Variants in STON2 observed in about 807,000 individuals in gnomAD.
The protein encoded by STON2 is stonin 2.
Under a neutral mutation model 65.7 loss-of-function variants are expected in STON2, and 29 were observed. The observed-to-expected ratio is 0.44, with a 90% CI of 0.33 to 0.60. The LOEUF (loss-of-function observed/expected upper bound fraction) is 0.60, where lower values mean the gene tolerates loss of function less well. STON2 is among the 20% of genes least tolerant of loss of function. STON2 has a pLI of 0.03. For missense variants in STON2, 1,054 were observed against 1,118.1 expected (o/e 0.94, Z 0.82); for synonymous variants, 404 against 414.2 (o/e 0.98, Z 0.30).
At chr14:81,269,237 C>T (rs1181321942) in intron 7 of STON2, 1 of 819,672 alleles carries the variant, frequency 1.2e-6, no homozygotes, top group African/African-American at 1.9e-5. Context: ...AATTCCTGAC[C>T]TCAAATGATC....
At chr14:81,290,364 G>C (rs992076568) in intron 5 of STON2, among the ~76,000 whole-genome samples, 2 of 152,192 alleles carry the variant, frequency 1.3e-5, no homozygotes, top group Admixed American at 6.5e-5. Flanking sequence ...TCAAGTTGGG[G>C]ATTCTGTAAC....
chr14:81,387,008 T>G (rs1050489718), intron 3 of STON2, among the ~76,000 whole-genome samples: 1 of 152,190 alleles, frequency 6.6e-6, no homozygotes, highest in African/African-American at 2.4e-5. Context: ...AAGCCTTATA[T>G]GTTAATCAAA....
intron 2 of STON2, chr14:81,412,987 CG>C: frequency 9.3e-7 from 1 of 1,070,776 alleles, no homozygotes; most frequent in Non-Finnish European, 1.4e-6. Context: ...ACCAAAAGGC[CG>C]TGATCAAAAA....
intron 4 of STON2, among the ~76,000 whole-genome samples, chr14:81,338,805 G>T (rs564117076): frequency 8.0e-4 from 122 of 152,312 alleles, no homozygotes; most frequent in African/African-American, 2.9e-3. Flanking sequence ...GACCAGAGGT[G>T]AAACATTCTG....
At chr14:81,308,433 AC>A (rs1265473412) in intron 5 of STON2, among the ~76,000 whole-genome samples, 18 of 152,200 alleles carry the variant, frequency 1.2e-4, no homozygotes, top group African/African-American at 4.3e-4. Flanking sequence ...TAAACTCCTG[AC>A]CTCAGGTGAT....
At position 81,280,967 on chromosome 14, in the gene STON2, C is replaced by T. The variant is rs144876567; in HGVS notation, c.743-2228G>A. Among the ~76,000 whole-genome samples, 118 of 148,924 alleles carry T rather than the reference C, an allele frequency of 7.9e-4. 1 individual carries two copies. Among genetic ancestry groups the T allele is most frequent in the African/African-American group, 2.7e-3 (110 of 40,206 alleles). ...CAGAGGTTGCAGTGAGCCGAGATGGCGCTACTGCACTCCAGTCTGAGCGAT... is the reference window on the plus strand; with the variant it reads ...CAGAGGTTGCAGTGAGCCGAGATGGTGCTACTGCACTCCAGTCTGAGCGAT... On this transcript the variant is annotated intron_variant, in intron 5 of 7. Transcript: ENST00000614646.
At chr14:81,337,392 G>A (rs1897414705) in intron 4 of STON2, among the ~76,000 whole-genome samples, 1 of 152,186 alleles carries the variant, frequency 6.6e-6, no homozygotes, top group South Asian at 2.1e-4. Context: ...AATGACAACA[G>A]AAAGTCCCTG....
At chr14:81,397,584 A>G (rs1409349324) in intron 2 of STON2, among the ~76,000 whole-genome samples, 1 of 152,202 alleles carries the variant, frequency 6.6e-6, no homozygotes, top group East Asian at 1.9e-4. Context: ...TAGGTGTTAT[A>G]AATGACGGTG....
intron 4 of STON2, among the ~76,000 whole-genome samples, chr14:81,341,493 T>C (rs1465481414): frequency 3.4e-5 from 5 of 145,456 alleles, no homozygotes; most frequent in Non-Finnish European, 7.5e-5. Context: ...CCCTGAATCC[T>C]ATTTCCGGGA....
In STON2 at chr14:81,277,181, T is replaced by G; in HGVS notation, c.2301A>C (p.Ser767=). The part of the protein sequence containing the change: ...EVEVQSWLRM[S]TGFSANRDPL... Reference sequence around the variant, plus strand: ...GGTCACGATTGGCGGAGAAGCCAGTTGACATCCTCAGCCAGCTCTGCACCT... The same window carrying G: ...GGTCACGATTGGCGGAGAAGCCAGTGGACATCCTCAGCCAGCTCTGCACCT... The change falls in exon 6 of 8, where the codon TCA becomes TCC. Residue 767 remains serine, a synonymous_variant. Transcript: ENST00000614646. The G allele has an allele frequency of 6.2e-7, 1 of 1,614,214 alleles. No individual in the cohort carries two copies.
At chr14:81,333,447 A>G in intron 4 of STON2, 1 of 303,682 alleles carries the variant, frequency 3.3e-6, no homozygotes, top group Non-Finnish European at 6.1e-6. Flanking sequence ...CAACAACCCT[A>G]TGAAATCGTT....
At chr14:81,280,854 T>C (rs955948318) in intron 5 of STON2, among the ~76,000 whole-genome samples, 1 of 151,580 alleles carries the variant, frequency 6.6e-6, no homozygotes, top group East Asian at 1.9e-4. Flanking sequence ...CTACTAAAAA[T>C]ACAAAAATTA....
At chr14:81,396,745 CA>C (rs202130271) in intron 2 of STON2, among the ~76,000 whole-genome samples, 1 of 128,358 alleles carries the variant, frequency 7.8e-6, no homozygotes, top group African/African-American at 3.1e-5. Flanking sequence ...AAACAGCCTT[CA>C]AAAATTTTTT....
chr14:81,348,343 T>C (rs2140309313), intron 4 of STON2, among the ~76,000 whole-genome samples: 1 of 152,256 alleles, frequency 6.6e-6, no homozygotes, highest in East Asian at 1.9e-4. Context: ...ACAGATGATA[T>C]GATCTTATAT....
chr14:81,365,164 T>C (rs918478485), intron 4 of STON2, among the ~76,000 whole-genome samples: 6 of 152,122 alleles, frequency 3.9e-5, no homozygotes, highest in Non-Finnish European at 8.8e-5. Flanking sequence ...TGGTTGCTGT[T>C]GTCCTGTCCA....
At chr14:81,402,516 T>G (rs990877443), upstream of STON2, among the ~76,000 whole-genome samples, 1 of 152,140 alleles carries the variant, frequency 6.6e-6, no homozygotes, top group African/African-American at 2.4e-5. Context: ...TAGGTGGTCT[T>G]GAACTGTACC....
intron 1 of STON2, among the ~76,000 whole-genome samples, chr14:81,428,859 C>T (rs1902107952): frequency 6.6e-6 from 1 of 152,168 alleles, no homozygotes; most frequent in African/African-American, 2.4e-5. Flanking sequence ...CAAAGGGCAG[C>T]CAATGGAAGG....
chr14:81,386,956 C>T (rs1165002106), intron 3 of STON2, among the ~76,000 whole-genome samples: 1 of 152,140 alleles, frequency 6.6e-6, no homozygotes, highest in Non-Finnish European at 1.5e-5. Flanking sequence ...GGGCTGACTG[C>T]TATATTCTTC....
chr14:81,371,689 AAAG>A lies in STON2; in HGVS notation c.374-507_374-505del, dbSNP rs955925733. On this transcript the variant is annotated intron_variant, in intron 3 of 7. Transcript: ENST00000614646. ...TGAGACTGAGTCTAAAAAAAAAAAAAAAGAAAAGAAAAGAAAAGTAAGGTCCCA... is the reference window on the plus strand; with the variant it reads ...TGAGACTGAGTCTAAAAAAAAAAAAAAAAAGAAAAGAAAAGTAAGGTCCCA... 2.7e-5 allele frequency among the ~76,000 whole-genome samples: 4 copies of A among 145,620 alleles called. 1 individual carries two copies. The highest frequency in any genetic ancestry group is 4.3e-4 in the East Asian group (2 of 4,648).
Sources: allele counts gnomAD v4.1 joint callset (sites outside exome capture counted in the v4.1 genomes callset), GRCh38; gene constraint gnomAD v4.1.1; transcripts MANE v1.5; gene names NCBI Gene and HGNC (gene_info 2026-07-23, HGNC 2026-07-21).